Variants in CERT1 observed in about 807,000 individuals in gnomAD.
CERT1 encodes the protein ceramide transporter 1.
In CERT1, 31 loss-of-function variants were observed where a neutral mutation model predicts 87.9. The observed-to-expected ratio is 0.35, with a 90% confidence interval of 0.27 to 0.48. CERT1 has a LOEUF of 0.48. CERT1 is among the 20% of genes least tolerant of loss of function. The pLI, the probability that CERT1 is intolerant of heterozygous loss-of-function variation, is 0.99. For synonymous variants in CERT1, 289 were observed against 250.9 expected (o/e 1.15, Z -1.44); for missense variants, 487 against 758.0 (o/e 0.64, Z 4.20).
In CERT1 at chr5:75,399,293, A is replaced by G; in HGVS notation, c.1188+17T>C. 2 of 1,568,856 alleles carry G rather than the reference A, an allele frequency of 1.3e-6. No individual in the cohort carries two copies. Among genetic ancestry groups the G allele is most frequent in the African/African-American group, 1.3e-5 (1 of 74,076 alleles). ...GCACAGAAAGACTCAAGTCCACTCT[A>G]TACATTCATACAGTACCTGGGAGCT... On this transcript the variant is annotated intron_variant, in intron 11 of 16. Coordinates refer to ENST00000643780, the MANE Select transcript of CERT1 (RefSeq NM_001379029.1).
At chr5:75,390,325 T>C (rs1761979713) in intron 11 of CERT1, among the ~76,000 whole-genome samples, 1 of 152,218 alleles carries the variant, frequency 6.6e-6, no homozygotes, top group Non-Finnish European at 1.5e-5. Context: ...CAAACCTTTA[T>C]TTATTTGATT....
At chr5:75,402,483 T>A (rs1363294297) in intron 9 of CERT1, 1 of 152,168 alleles carries the variant, frequency 6.6e-6, no homozygotes, top group African/African-American at 2.4e-5. Context: ...AATTCACATA[T>A]AAAGGAACTG....
intron 2 of CERT1, among the ~76,000 whole-genome samples, chr5:75,481,146 C>T (rs1252514426): frequency 1.3e-5 from 2 of 152,144 alleles, no homozygotes; most frequent in African/African-American, 4.8e-5. Context: ...TTGCTTTCCC[C>T]GTGTCTACTC....
chr5:75,430,263 T>C (rs1209748216), intron 3 of CERT1, among the ~76,000 whole-genome samples: 15 of 152,174 alleles, frequency 9.9e-5, no homozygotes, highest in Non-Finnish European at 7.4e-5. Flanking sequence ...TTCAATATGT[T>C]CTCAACTCTT....
intron 3 of CERT1, among the ~76,000 whole-genome samples, chr5:75,429,545 G>A (rs1763778926): frequency 6.6e-6 from 1 of 152,086 alleles, no homozygotes; most frequent in Non-Finnish European, 1.5e-5. Context: ...CTGGACCAGT[G>A]TGGTGGCTTG....
intron 2 of CERT1, among the ~76,000 whole-genome samples, chr5:75,473,697 T>C (rs1213889759): frequency 1.3e-5 from 2 of 152,174 alleles, no homozygotes; most frequent in East Asian, 1.9e-4. Flanking sequence ...TTACATACTA[T>C]GTTCTTGAAA....
intron 2 of CERT1, among the ~76,000 whole-genome samples, chr5:75,474,542 A>G (rs566729941): frequency 4.8e-4 from 73 of 152,246 alleles, no homozygotes; most frequent in African/African-American, 1.7e-3. Context: ...CACTAATCCA[A>G]TCTGAAGAAT....
At chr5:75,388,194 C>T (rs1009490436) in intron 12 of CERT1, among the ~76,000 whole-genome samples, 2 of 152,168 alleles carry the variant, frequency 1.3e-5, no homozygotes, top group African/African-American at 2.4e-5. Flanking sequence ...TTTCTACAAT[C>T]ACCTTATCAG....
intron 2 of CERT1, among the ~76,000 whole-genome samples, chr5:75,471,266 G>A (rs892355507): frequency 6.6e-6 from 1 of 152,136 alleles, no homozygotes; most frequent in African/African-American, 2.4e-5. Flanking sequence ...ATACAGTACA[G>A]CTTATTGCTT....
chr5:75,415,764 T>C (rs1023821438), intron 7 of CERT1, among the ~76,000 whole-genome samples: 1 of 152,094 alleles, frequency 6.6e-6, no homozygotes, highest in Admixed American at 6.6e-5. Context: ...TTTCAATACA[T>C]TGTTTTTTTT....
At chr5:75,502,923 A>T (rs1305567643) in intron 2 of CERT1, among the ~76,000 whole-genome samples, 2 of 152,090 alleles carry the variant, frequency 1.3e-5, no homozygotes, top group Admixed American at 6.5e-5. Context: ...GAAGAATTCA[A>T]CTGTCTTTCT....
At chr5:75,420,334 T>A (rs1281118281) in intron 5 of CERT1, among the ~76,000 whole-genome samples, 2 of 150,568 alleles carry the variant, frequency 1.3e-5, no homozygotes, top group Admixed American at 1.3e-4. Context: ...GACTTGCAGA[T>A]ATGATATCGA....
At chr5:75,475,881 T>A (rs1370216481) in intron 2 of CERT1, among the ~76,000 whole-genome samples, 1 of 152,104 alleles carries the variant, frequency 6.6e-6, no homozygotes, top group East Asian at 1.9e-4. Flanking sequence ...GTGGGGGTAA[T>A]AATAAAACTT....
chr5:75,511,457 C>A lies in CERT1; in HGVS notation c.-250G>T. ...TCCAGCCGTCAGCCGCCGCCGCCGT[C>A]GCCGTGACCCCTGCGTTGCGCCCGG... On this transcript the variant is annotated 5_prime_UTR_variant, in exon 1 of 17. Coordinates refer to ENST00000643780, the MANE Select transcript of CERT1 (RefSeq NM_001379029.1). 1 of 1,529,726 alleles carries A rather than the reference C, an allele frequency of 6.5e-7. No homozygotes were observed. The highest frequency in any genetic ancestry group is 1.2e-5 in the South Asian group (1 of 82,158). The allele number at this position is 1,529,726 out of a possible 1,614,324, so 94.8% of individuals were successfully genotyped here. A position where few individuals can be genotyped will look rare whatever the true frequency, so the allele number is the denominator to read the frequency against.
intron 17 of CERT1, chr5:75,369,415 C>G (rs1761006681): frequency 6.6e-6 from 1 of 151,998 alleles, no homozygotes; most frequent in African/African-American, 2.4e-5. Context: ...GACCCATACA[C>G]CAAAATTGCT....
chr5:75,417,265 T>C (rs1202066049), intron 6 of CERT1, among the ~76,000 whole-genome samples: 1 of 152,148 alleles, frequency 6.6e-6, no homozygotes, highest in Non-Finnish European at 1.5e-5. Flanking sequence ...TTTCCTGAAA[T>C]TTATTTGCTG....
chr5:75,448,490 A>G (rs80144623), intron 3 of CERT1, among the ~76,000 whole-genome samples: 2,219 of 152,332 alleles, frequency 0.015, 49 homozygotes, highest in African/African-American at 0.049. Context: ...GTACCAAGCA[A>G]TAACGATAAT....
intron 2 of CERT1, among the ~76,000 whole-genome samples, chr5:75,503,030 A>C (rs1323446138): frequency 2.0e-5 from 3 of 152,072 alleles, no homozygotes; most frequent in African/African-American, 7.2e-5. Context: ...TTTCACATTA[A>C]GGAATAAATT....
At chr5:75,403,815 C>T (rs1762599357) in intron 8 of CERT1, among the ~76,000 whole-genome samples, 1 of 152,268 alleles carries the variant, frequency 6.6e-6, no homozygotes, top group African/African-American at 2.4e-5. Flanking sequence ...CTTAGTAGGT[C>T]TTCAGTGGAA....
Sources: gnomAD v4.1 joint callset for allele counts (sites outside exome capture counted in the v4.1 genomes callset) on GRCh38, gnomAD v4.1.1 for gene constraint, MANE v1.5 for transcripts, NCBI Gene and HGNC (gene_info 2026-07-23, HGNC 2026-07-21) for gene names.